The following PUS10 variants were observed in gnomAD, a reference collection of about 807,000 sequenced individuals.
The protein encoded by PUS10 is tRNA pseudouridine synthase Pus10.
A neutral mutation model predicts 75.0 loss-of-function variants in PUS10; 59 were observed. The observed-to-expected ratio is 0.79, with a 90% CI of 0.64 to 0.98. The LOEUF (loss-of-function observed/expected upper bound fraction) is 0.98. PUS10 is among the 50% of genes least tolerant of loss of function. The probability of loss-of-function intolerance (pLI) is 0.00; values close to 1 mark genes in which losing one functional copy is unlikely to be tolerated. For missense variants in PUS10, 650 were observed against 614.4 expected (o/e 1.06, Z -0.61); for synonymous variants, 219 against 211.6 (o/e 1.03, Z -0.30).
rs75430295 is a variant in PUS10 at position 60,969,628 on chromosome 2, C to T, written c.503+1895G>A. On this transcript the variant is annotated intron_variant, in intron 5 of 17. Coordinates refer to ENST00000316752, the MANE Select transcript of PUS10 (RefSeq NM_144709.4). Reference sequence around the variant, plus strand: ...AGGCAATTAATTTTTTTTGTAAGTTCCCTAAATCAATTCTTTAACAGCAAT... The same window carrying T: ...AGGCAATTAATTTTTTTTGTAAGTTTCCTAAATCAATTCTTTAACAGCAAT... 6.6e-3 allele frequency among the ~76,000 whole-genome samples: 1,012 copies of T among 152,188 alleles called. 8 individuals carry two copies. The highest frequency in any genetic ancestry group is 0.023 in the African/African-American group (969 of 41,528).
chr2:60,975,285 T>G (rs557625349), intron 4 of PUS10, among the ~76,000 whole-genome samples: 1 of 152,226 alleles, frequency 6.6e-6, no homozygotes, highest in South Asian at 2.1e-4. Context: ...TAGCTGGGAC[T>G]ACAGGTGCAC....
At chr2:60,945,164 A>C in intron 16 of PUS10, 56 bp from the exon 17 acceptor site, 1 of 1,066,908 alleles carries the variant, frequency 9.4e-7, no homozygotes, top group Non-Finnish European at 1.5e-6. Context: ...CTATTTGGTA[A>C]GATTTGACAG....
In PUS10 at chr2:60,942,250, C is replaced by A. The variant is rs1008669396; in HGVS notation, c.*145G>T. On this transcript the variant is annotated 3_prime_UTR_variant, in exon 18 of 18. Coordinates refer to ENST00000316752, the MANE Select transcript of PUS10 (RefSeq NM_144709.4). Reference sequence around the variant, plus strand: ...ATATATAGATCCTGAGATGTTACAACAAATTAACAATTATATAGATCAACA... The same window carrying A: ...ATATATAGATCCTGAGATGTTACAAAAAATTAACAATTATATAGATCAACA... 1.4e-5 allele frequency: 10 copies of A among 693,936 alleles called. No individual in the cohort carries two copies. Among genetic ancestry groups the A allele is most frequent in the Non-Finnish European group, 2.6e-5 (10 of 384,182 alleles). The allele number at this position is 693,936 out of a possible 1,614,324, so 43.0% of individuals were successfully genotyped here.
intron 4 of PUS10, among the ~76,000 whole-genome samples, chr2:61,001,438 G>A (rs1480437762): frequency 1.3e-5 from 2 of 151,928 alleles, no homozygotes; most frequent in African/African-American, 2.4e-5. Context: ...CACCACACCC[G>A]TCTAATTTTT....
At position 60,955,660 on chromosome 2, in the gene PUS10, T is replaced by C. The variant is rs147881466; in HGVS notation, c.1001-586A>G. Among the ~76,000 whole-genome samples the C allele has an allele frequency of 2.9e-3, 442 of 152,232 alleles. 3 individuals carry two copies. Among genetic ancestry groups the C allele is most frequent in the Non-Finnish European group, 3.9e-3 (264 of 68,008 alleles). ...CTATTTAATCCTTATTATAACCTTATAAAGTAGGTATAAAATAAAAGAACA... is the reference window on the plus strand; with the variant it reads ...CTATTTAATCCTTATTATAACCTTACAAAGTAGGTATAAAATAAAAGAACA... On this transcript the variant is annotated intron_variant, in intron 11 of 17. Coordinates refer to ENST00000316752, the MANE Select transcript of PUS10 (RefSeq NM_144709.4).
In PUS10 at chr2:61,018,021, A is replaced by T; in HGVS notation, c.-29T>A. ...TGGGGCGCTTACCAGTGGGGACTTT[A>T]GTGTCTCACAGCTGTTTCTGACCCG... On this transcript the variant is annotated 5_prime_UTR_variant, in exon 1 of 18. Coordinates refer to ENST00000316752, the MANE Select transcript of PUS10 (RefSeq NM_144709.4). 2 of 1,385,138 alleles carry T rather than the reference A, an allele frequency of 1.4e-6. No individual in the cohort carries two copies. Among genetic ancestry groups the T allele is most frequent in the South Asian group, 1.4e-5 (1 of 69,760 alleles). 85.8% of individuals were successfully genotyped at this position (1,385,138 alleles called of 1,614,324 possible).
intron 4 of PUS10, among the ~76,000 whole-genome samples, chr2:60,971,865 CTTTTTTTTTTTT>C (rs756222357): frequency 1.0e-5 from 1 of 99,638 alleles, no homozygotes; most frequent in African/African-American, 4.3e-5. Context: ...TCTTTCTTCT[CTTTTTTTTTTTT>C]TTTTTTTTTT....
At chr2:60,955,128 T>C (rs1675570029) in intron 11 of PUS10, 54 bp from the exon 12 acceptor site, 1 of 1,149,550 alleles carries the variant, frequency 8.7e-7, no homozygotes, top group Non-Finnish European at 1.3e-6. Flanking sequence ...CTCTAAGATA[T>C]TCATTCCCAA....
intron 4 of PUS10, among the ~76,000 whole-genome samples, chr2:60,973,405 C>T (rs1390089842): frequency 6.6e-6 from 1 of 152,264 alleles, no homozygotes; most frequent in East Asian, 1.9e-4. Context: ...GCTCCCGCTC[C>T]CTGACCTCTC....
At chr2:60,986,894 C>T (rs1037182079) in intron 4 of PUS10, among the ~76,000 whole-genome samples, 18 of 152,130 alleles carry the variant, frequency 1.2e-4, no homozygotes, top group African/African-American at 4.1e-4. Context: ...GTGTTTCTTT[C>T]CCCATCTAGA....
At chr2:60,956,830 CT>C (rs1270572695) in intron 11 of PUS10, among the ~76,000 whole-genome samples, 3 of 151,682 alleles carry the variant, frequency 2.0e-5, no homozygotes, top group African/African-American at 7.3e-5. Context: ...AAAAAATTAG[CT>C]GGGTGTGGTG....
chr2:60,947,589 G>A (rs1387684614), intron 16 of PUS10, among the ~76,000 whole-genome samples: 1 of 152,152 alleles, frequency 6.6e-6, no homozygotes, highest in Non-Finnish European at 1.5e-5. Flanking sequence ...CAGCACTTCG[G>A]AAGGCCGAGG....
chr2:61,003,776 A>G (rs1679016418), intron 4 of PUS10, among the ~76,000 whole-genome samples: 1 of 152,098 alleles, frequency 6.6e-6, no homozygotes, highest in Non-Finnish European at 1.5e-5. Flanking sequence ...GAACTGACTC[A>G]AGAGATCCTC....
intron 4 of PUS10, among the ~76,000 whole-genome samples, chr2:60,999,802 A>T (rs1474629600): frequency 6.6e-6 from 1 of 152,134 alleles, no homozygotes; most frequent in Non-Finnish European, 1.5e-5. Context: ...TCAACCCTGG[A>T]TAGAAAACAT....
At chr2:61,007,450 G>T (rs937331034) in intron 3 of PUS10, among the ~76,000 whole-genome samples, 2 of 145,504 alleles carry the variant, frequency 1.4e-5, no homozygotes, top group Non-Finnish European at 3.0e-5. Flanking sequence ...GACAGAGTGG[G>T]ACCCTGTCTC....
chr2:60,991,145 C>T (rs6710043), intron 4 of PUS10, among the ~76,000 whole-genome samples: 68,636 of 151,972 alleles, frequency 0.45, 16,330 homozygotes, highest in Middle Eastern at 0.53. Context: ...TCCTAAAATG[C>T]TGGGATTACA....
At chr2:60,980,158 T>C (rs1324359330) in intron 4 of PUS10, among the ~76,000 whole-genome samples, 3 of 152,176 alleles carry the variant, frequency 2.0e-5, no homozygotes, top group Non-Finnish European at 4.4e-5. Flanking sequence ...TACTGTTCTT[T>C]AGTGTCATAT....
At chr2:61,006,700 C>A in intron 3 of PUS10, 57 bp from the exon 4 acceptor site, 2 of 1,330,384 alleles carry the variant, frequency 1.5e-6, no homozygotes, top group African/African-American at 1.5e-5. Flanking sequence ...TATTACTTAC[C>A]CTAATCTTAA....
intron 4 of PUS10, among the ~76,000 whole-genome samples, chr2:60,973,801 C>T (rs1162933106): frequency 6.6e-6 from 1 of 152,224 alleles, no homozygotes; most frequent in African/African-American, 2.4e-5. Context: ...TTTTTCCAGG[C>T]CCACCCATGG....
Sources: gnomAD v4.1 joint callset for allele counts (sites outside exome capture counted in the v4.1 genomes callset) on GRCh38, gnomAD v4.1.1 for gene constraint, MANE v1.5 for transcripts, NCBI Gene and HGNC (gene_info 2026-07-23, HGNC 2026-07-21) for gene names.